The following UMOD variants were observed in gnomAD, a reference collection of about 807,000 sequenced individuals.
UMOD encodes uromodulin.
Under a neutral mutation model 66.0 loss-of-function variants are expected in UMOD, and 64 were observed. That is an observed-to-expected ratio of 0.97 (90% CI 0.79 to 1.19). The LOEUF is 1.19. UMOD is among the 50% of genes most tolerant of loss of function. UMOD has a pLI of 0.00. For synonymous variants in UMOD, 398 were observed against 352.7 expected (o/e 1.13, Z -1.44); for missense variants, 764 against 850.9 (o/e 0.90, Z 1.27).
At chr16:20,355,523 T>C (rs1567315557), upstream of UMOD, among the ~76,000 whole-genome samples, 1 of 151,704 alleles carries the variant, frequency 6.6e-6, no homozygotes, top group Non-Finnish European at 1.5e-5. Context: ...CTTGAATCCT[T>C]GAATCCTCAG....
intron 5 of UMOD, 149 bp downstream of exon 5, chr16:20,345,977 G>T (rs542780549): frequency 5.7e-5 from 39 of 680,216 alleles, no homozygotes; most frequent in Non-Finnish European, 8.3e-5. Flanking sequence ...CTGTGGAGTA[G>T]GTACTATTAT....
intron 2 of UMOD, chr16:20,349,898 A>G: frequency 6.6e-7 from 1 of 1,518,920 alleles, no homozygotes; most frequent in Non-Finnish European, 8.8e-7. Context: ...CATTAAAAAA[A>G]AAAAGAAGCT....
Position 20,350,740 on chromosome 16 carries a change from T to C in UMOD, c.-3A>G, listed in dbSNP as rs1965850646. 6.2e-7 allele frequency: 1 copy of C among 1,614,036 alleles called. No individual in the cohort carries two copies. Among genetic ancestry groups the C allele is most frequent in the African/African-American group, 1.3e-5 (1 of 74,930 alleles). ...CAAGTCAGAGATGGCTGCCCCATCCTTTCTGCTCTTCCCGCTACTTCAGGT... is the reference window on the plus strand; with the variant it reads ...CAAGTCAGAGATGGCTGCCCCATCCCTTCTGCTCTTCCCGCTACTTCAGGT... On this transcript the variant is annotated 5_prime_UTR_variant, in exon 2 of 11. Coordinates refer to ENST00000396138, the MANE Select transcript of UMOD (RefSeq NM_003361.4).
chr16:20,341,137 T>C lies in UMOD; in HGVS notation c.1531A>G (p.Ser511Gly). 1 of 1,614,148 alleles carries C rather than the reference T, an allele frequency of 6.2e-7. No homozygotes were observed. The highest frequency in any genetic ancestry group is 8.5e-7 in the Non-Finnish European group (1 of 1,180,032). ...LLMTNCYATP[S>G]SNATDPLKYF... ...TTCAGGGGGTCCGTGGCATTGCTAC[T>C]GGGTGTGGCATAGCAGTTGGTCATG... The change falls in exon 7 of 11, where the codon AGT becomes GGT. Residue 511 changes from serine to glycine, a missense_variant. Ser to Gly is a moderately conservative substitution (Grantham distance 56). Coordinates refer to ENST00000396138, the MANE Select transcript of UMOD (RefSeq NM_003361.4).
At chr16:20,354,188 C>T (rs1965994402), upstream of UMOD, among the ~76,000 whole-genome samples, 1 of 152,118 alleles carries the variant, frequency 6.6e-6, no homozygotes, top group Non-Finnish European at 1.5e-5. Flanking sequence ...CAAGTCTTTG[C>T]TATTGTGAAT....
At chr16:20,349,902 A>AG in intron 2 of UMOD, 1 of 1,515,032 alleles carries the variant, frequency 6.6e-7, no homozygotes. Flanking sequence ...AAAAAAAAAA[A>AG]GAAGCTGTTG....
intron 7 of UMOD, 58 bp downstream of exon 7, chr16:20,341,033 T>C: frequency 1.3e-6 from 2 of 1,500,896 alleles, no homozygotes; most frequent in South Asian, 2.3e-5. Flanking sequence ...TCCATCCAAG[T>C]CCAAAGACCC....
At chr16:20,354,782 C>T (rs1385261020), upstream of UMOD, among the ~76,000 whole-genome samples, 1 of 152,124 alleles carries the variant, frequency 6.6e-6, no homozygotes, top group Admixed American at 6.5e-5. Context: ...GGAGGGACTG[C>T]CCCTCCCAGG....
At position 20,350,963 on chromosome 16, in the gene UMOD, A is replaced by G. The variant is rs117738531; in HGVS notation, c.-102-124T>C. 4,805 of 962,712 alleles carry G rather than the reference A, an allele frequency of 5.0e-3. 21 individuals are homozygous for G. Among genetic ancestry groups the G allele is most frequent in the Non-Finnish European group, 6.7e-3 (4,498 of 675,692 alleles). The allele number at this position is 962,712 out of a possible 1,614,324, so 59.6% of individuals were successfully genotyped here. ...TCACTTATATGGACTAAAAAATTGC[A>G]TAACACTGCAGCCCTTGTTTTGCTG... On this transcript the variant is annotated intron_variant, in intron 1 of 10. Coordinates refer to ENST00000396138, the MANE Select transcript of UMOD (RefSeq NM_003361.4).
intron 7 of UMOD, 75 bp downstream of exon 7, chr16:20,341,016 A>T (rs373574563): frequency 2.1e-6 from 3 of 1,445,076 alleles, no homozygotes; most frequent in African/African-American, 2.8e-5. Flanking sequence ...AAAAGATGCA[A>T]TTTTCCTCCA....
chr16:20,341,017 T>A, intron 7 of UMOD, 74 bp downstream of exon 7: 4 of 1,376,426 alleles, frequency 2.9e-6, no homozygotes, highest in Non-Finnish European at 3.0e-6. Flanking sequence ...AAAGATGCAA[T>A]TTTCCTCCAT....
rs764790842 is a variant in UMOD, at chr16:20,341,240, G to A, written c.1428C>T (p.Ser476=). The change falls in exon 7 of 11, where the codon TCC becomes TCT. Residue 476 remains serine, a synonymous_variant. Transcript: ENST00000396138. Reference sequence around the variant, plus strand: ...GAAAAGCCTCAGTGGACAGTGTCACGGAGGAGCCTTGGTAGGGCTGCGTGT... The same window carrying A: ...GAAAAGCCTCAGTGGACAGTGTCACAGAGGAGCCTTGGTAGGGCTGCGTGT... ...PSYTQPYQGS[S]VTLSTEAFLY... The A allele has an allele frequency of 1.4e-5, 23 of 1,613,982 alleles. No individual in the cohort carries two copies. In the East Asian group the frequency reaches 2.0e-4, roughly 14 times the overall value.
intron 7 of UMOD, among the ~76,000 whole-genome samples, chr16:20,338,526 G>T (rs1392285677): frequency 2.6e-5 from 4 of 152,084 alleles, no homozygotes; most frequent in African/African-American, 7.2e-5. Context: ...ATGGGGTCTT[G>T]CTCTGCCACC....
At chr16:20,336,864 G>A (rs555087983) in intron 8 of UMOD, 137 bp from the exon 9 acceptor site, 2 of 727,612 alleles carry the variant, frequency 2.7e-6, no homozygotes, top group East Asian at 2.7e-5. Flanking sequence ...TGTATACCGG[G>A]GCTCGTGCAG....
upstream of UMOD, among the ~76,000 whole-genome samples, chr16:20,354,825 A>G (rs544816331): frequency 6.6e-6 from 1 of 152,258 alleles, no homozygotes; most frequent in East Asian, 1.9e-4. Context: ...AAAACGACTT[A>G]TCTGTGAATG....
rs375959252 is a variant in UMOD at position 20,341,123 on chromosome 16, C to T, written c.1545G>A (p.Thr515=). Residue 515 remains threonine, a synonymous_variant, in exon 7 of 11, where the codon ACG becomes ACA. Transcript: ENST00000396138. The part of the protein sequence containing the change: ...NCYATPSSNA[T]DPLKYFIIQD... ...GGATGATGAAGTACTTCAGGGGGTCCGTGGCATTGCTACTGGGTGTGGCAT... is the reference window on the plus strand; with the variant it reads ...GGATGATGAAGTACTTCAGGGGGTCTGTGGCATTGCTACTGGGTGTGGCAT... 1.1e-5 allele frequency: 17 copies of T among 1,614,072 alleles called. No homozygotes were observed. The highest frequency in any genetic ancestry group is 2.2e-5 in the East Asian group (1 of 44,872).
chr16:20,345,578 T>C (rs1026564413), intron 5 of UMOD, among the ~76,000 whole-genome samples: 2 of 147,272 alleles, frequency 1.4e-5, no homozygotes, highest in Non-Finnish European at 3.0e-5. Context: ...TCCTTCCTTC[T>C]CTTTCTTTCT....
At chr16:20,341,437 T>G in intron 6 of UMOD, 101 bp from the exon 7 acceptor site, 4 of 1,577,814 alleles carry the variant, frequency 2.5e-6, no homozygotes, top group Non-Finnish European at 3.4e-6. Flanking sequence ...TGCAGTTATT[T>G]GCATTTTTAT....
At chr16:20,351,452 T>C (rs1199278328) in intron 1 of UMOD, 1 of 157,966 alleles carries the variant, frequency 6.3e-6, no homozygotes, top group Admixed American at 5.9e-5. Context: ...CCAGTGTTTA[T>C]AGCAGCAAAA....
Sources: gnomAD v4.1 joint callset for allele counts (sites outside exome capture counted in the v4.1 genomes callset) on GRCh38, gnomAD v4.1.1 for gene constraint, MANE v1.5 for transcripts, NCBI Gene and HGNC (gene_info 2026-07-23, HGNC 2026-07-21) for gene names.